The following PRKAG1 variants were observed in gnomAD, a reference collection of about 807,000 sequenced individuals.
PRKAG1 encodes 5'-AMP-activated protein kinase subunit gamma-1.
PRKAG1 carries 27 observed loss-of-function variants against 48.2 expected under a neutral mutation model. The ratio of observed to expected loss-of-function variants is 0.56; its 90% CI spans 0.41 to 0.77. The LOEUF is 0.77. PRKAG1 is among the 30% of genes least tolerant of loss of function. PRKAG1 has a pLI of 0.00. For missense variants in PRKAG1, 287 were observed against 398.3 expected, an observed-to-expected ratio of 0.72 and a Z score of 2.38; for synonymous variants, 130 against 147.7, an observed-to-expected ratio of 0.88 and a Z score of 0.87.
intron 10 of PRKAG1, 46 bp downstream of exon 10, chr12:49,003,512 C>G (rs202008238): frequency 1.6e-5 from 26 of 1,587,548 alleles, no homozygotes; most frequent in East Asian, 1.6e-4. Flanking sequence ...AACAGTGCCC[C>G]CCCCCCACCA....
chr12:49,016,079 A>G (rs1941957745), intron 1 of PRKAG1, among the ~76,000 whole-genome samples: 1 of 151,846 alleles, frequency 6.6e-6, no homozygotes, highest in African/African-American at 2.4e-5. Context: ...CTGGGACTAC[A>G]GGAACATACC....
Position 49,018,732 on chromosome 12 carries a change from C to G in PRKAG1, c.9G>C (p.Thr3=). The change falls in exon 1 of 12, where the codon ACG becomes ACC. Residue 3 remains threonine, a splice_region_variant and synonymous_variant. Coordinates refer to ENST00000548065, the MANE Select transcript of PRKAG1 (RefSeq NM_002733.5). ...CCGACCGCCCTCCTGCACTCCTCAC[C>G]GTCTCCATTGCAAGAGGCGCCCGGC... The part of the protein sequence containing the change: ME[T]VISSDSSPAV... The G allele has an allele frequency of 6.2e-7, 1 of 1,613,312 alleles. No homozygotes were observed. The highest frequency in any genetic ancestry group is 8.5e-7 in the Non-Finnish European group (1 of 1,180,018).
chr12:49,003,384 T>C (rs2137649668), intron 10 of PRKAG1, 94 bp from the exon 11 acceptor site: 9 of 1,564,692 alleles, frequency 5.8e-6, no homozygotes, highest in Non-Finnish European at 7.9e-6. Flanking sequence ...TTCAGGGCAA[T>C]TGTCAGCCAC....
intron 1 of PRKAG1, chr12:49,016,839 C>G (rs757188430): frequency 1.9e-5 from 5 of 266,318 alleles, no homozygotes; most frequent in Non-Finnish European, 3.0e-5. Flanking sequence ...CCATGGGTCC[C>G]CTATTACAAA....
At chr12:49,013,937 T>G (rs1941862339) in intron 1 of PRKAG1, among the ~76,000 whole-genome samples, 1 of 152,154 alleles carries the variant, frequency 6.6e-6, no homozygotes, top group Admixed American at 6.5e-5. Context: ...CAGGCTGGAG[T>G]GCAGTGGCGT....
intron 2 of PRKAG1, chr12:49,008,749 C>T (rs981507731): frequency 2.0e-5 from 3 of 152,182 alleles, no homozygotes; most frequent in African/African-American, 4.8e-5. Flanking sequence ...ATGTTGAAGG[C>T]ATTGCTCCAT....
At chr12:49,010,161 C>A (rs114087806) in intron 2 of PRKAG1, among the ~76,000 whole-genome samples, 3,529 of 152,002 alleles carry the variant, frequency 0.023, 118 homozygotes, top group African/African-American at 0.081. Context: ...GGGTGGGGGG[C>A]AGTTTGGATC....
chr12:49,012,873 A>G, intron 2 of PRKAG1, 189 bp downstream of exon 2: 1 of 587,080 alleles, frequency 1.7e-6, no homozygotes, highest in Non-Finnish European at 3.0e-6. Flanking sequence ...GATATTAATC[A>G]TCCCCACTCT....
rs67579566 is a variant in PRKAG1, at chr12:49,003,508, GCC to G, written c.741+48_741+49del. On this transcript the variant is annotated intron_variant, in intron 10 of 11. Coordinates refer to ENST00000548065, the MANE Select transcript of PRKAG1 (RefSeq NM_002733.5). Reference sequence around the variant, plus strand: ...CTTCTCCCTCTCCATATTTAACAGTGCCCCCCCCCCACCACTTCCCTACCTCC... The same window carrying G: ...CTTCTCCCTCTCCATATTTAACAGTGCCCCCCCCACCACTTCCCTACCTCC... 3.1e-5 allele frequency: 42 copies of G among 1,371,246 alleles called. No individual in the cohort carries two copies. In the African/African-American group the frequency reaches 3.2e-4, roughly 10 times the overall value. 84.9% of individuals were successfully genotyped at this position (1,371,246 alleles called of 1,614,324 possible). A position where few individuals can be genotyped will look rare whatever the true frequency, so the allele number is the denominator to read the frequency against.
chr12:49,017,434 A>C, intron 1 of PRKAG1: 1 of 326,406 alleles, frequency 3.1e-6, no homozygotes, highest in East Asian at 8.9e-5. Flanking sequence ...CTGATGCTGA[A>C]CTCCTGAGCT....
chr12:49,006,014 C>T (rs1401855675), intron 2 of PRKAG1, 162 bp from the exon 3 acceptor site: 1 of 569,960 alleles, frequency 1.8e-6, no homozygotes, highest in Non-Finnish European at 3.0e-6. Flanking sequence ...TCCACAAAAC[C>T]TGGATAAACC....
chr12:49,015,325 T>C (rs1400550500), intron 1 of PRKAG1, among the ~76,000 whole-genome samples: 1 of 152,248 alleles, frequency 6.6e-6, no homozygotes, highest in Non-Finnish European at 1.5e-5. Context: ...ATTTTGTTCA[T>C]TATCTATCCA....
Position 49,003,170 on chromosome 12 carries a change from TG to T in PRKAG1, c.861del (p.Ile288SerfsTer5), listed in dbSNP as rs1941360268. 3 of 1,614,068 alleles carry T rather than the reference TG, an allele frequency of 1.9e-6. No individual in the cohort carries two copies. Among genetic ancestry groups the T allele is most frequent in the Non-Finnish European group, 2.5e-6 (3 of 1,180,034 alleles). ...TCTGCTTCCACTAGCCTGTTGATGA[TG>T]GTCTCCAGAGTCTCATGCAGGTAGC... ...LKCYLHETLE[T>X]IINRLVEAEV... is the part of the protein sequence containing the mutation. On this transcript the variant is annotated frameshift_variant, in exon 11 of 12. Coordinates refer to ENST00000548065, the MANE Select transcript of PRKAG1 (RefSeq NM_002733.5). LOFTEE classifies it high-confidence loss of function.
intron 2 of PRKAG1, among the ~76,000 whole-genome samples, chr12:49,006,555 G>C (rs1430348050): frequency 1.3e-5 from 2 of 152,214 alleles, no homozygotes; most frequent in Admixed American, 1.3e-4. Context: ...ACAAATGGGA[G>C]ATCCTGGCTA....
Position 49,005,905 on chromosome 12 carries a change from A to C in PRKAG1, c.59-53T>G. On this transcript the variant is annotated intron_variant, in intron 2 of 11. Coordinates refer to ENST00000548065, the MANE Select transcript of PRKAG1 (RefSeq NM_002733.5). The surrounding 1 kb of genome is among the most constrained non-coding windows in gnomAD (Gnocchi z 4.1). ...TCCTTCCACATAAAAACTCCCAATC[A>C]AAAGAGACAGAAAACAAAATAGTGT... 7.4e-7 allele frequency: 1 copy of C among 1,344,440 alleles called. No homozygotes were observed. The highest frequency in any genetic ancestry group is 1.0e-6 in the Non-Finnish European group (1 of 975,642). 83.3% of individuals were successfully genotyped at this position (1,344,440 alleles called of 1,614,324 possible).
At chr12:49,012,055 C>T (rs1256547416) in intron 2 of PRKAG1, among the ~76,000 whole-genome samples, 3 of 152,144 alleles carry the variant, frequency 2.0e-5, no homozygotes, top group East Asian at 1.9e-4. Flanking sequence ...CAAGATTTCA[C>T]GATGTTGGCC....
chr12:49,018,404 A>T (rs1356003662), intron 1 of PRKAG1: 1 of 1,200,486 alleles, frequency 8.3e-7, no homozygotes, highest in Non-Finnish European at 1.1e-6. Context: ...CTGCGCTCTC[A>T]AACCTCTAAA....
At chr12:49,008,072 T>C (rs1941615713) in intron 2 of PRKAG1, among the ~76,000 whole-genome samples, 1 of 152,152 alleles carries the variant, frequency 6.6e-6, no homozygotes, top group Non-Finnish European at 1.5e-5. Flanking sequence ...TTGGCCAGGC[T>C]GATCTCGAAC....
intron 1 of PRKAG1, chr12:49,016,852 A>T (rs1941995253): frequency 3.7e-6 from 1 of 269,890 alleles, no homozygotes; most frequent in Non-Finnish European, 7.3e-6. Context: ...ATTACAAAAC[A>T]AAGTTCAAAT....
Sources: allele counts gnomAD v4.1 joint callset (sites outside exome capture counted in the v4.1 genomes callset), GRCh38; gene constraint gnomAD v4.1.1; non-coding constraint Gnocchi (gnomAD v3.1); transcripts MANE v1.5; gene names NCBI Gene and HGNC (gene_info 2026-07-23, HGNC 2026-07-21).